Variants in S100A13 observed in about 807,000 individuals in gnomAD.
S100A13 encodes protein S100-A13.
A neutral mutation model predicts 8.2 loss-of-function variants in S100A13; 6 were observed. The observed-to-expected ratio is 0.73, with a 90% confidence interval of 0.40 to 1.44. S100A13 has a LOEUF of 1.44. S100A13 is among the 40% of genes most tolerant of loss of function. The pLI, the probability that S100A13 is intolerant of heterozygous loss-of-function variation, is 0.02. For missense variants in S100A13, 114 were observed against 113.6 expected (o/e 1.00, Z -0.02); for synonymous variants, 39 against 45.9 (o/e 0.85, Z 0.61).
chr1:153,626,724 C>T, intron 1 of S100A13, 191 bp from the exon 2 acceptor site: 1 of 429,292 alleles, frequency 2.3e-6, no homozygotes, highest in Non-Finnish European at 4.2e-6. Flanking sequence ...TTGGTGGGGG[C>T]AGGAGATTCA....
Position 153,618,816 on chromosome 1 carries a change from A to G in S100A13, c.*79T>C. 1 of 1,344,570 alleles carries G rather than the reference A, an allele frequency of 7.4e-7. No individual in the cohort carries two copies. Among genetic ancestry groups the G allele is most frequent in the Non-Finnish European group, 1.0e-6 (1 of 971,278 alleles). The allele number at this position is 1,344,570 out of a possible 1,614,324, so 83.3% of individuals were successfully genotyped here. A position where few individuals can be genotyped will look rare whatever the true frequency, so the allele number is the denominator to read the frequency against. ...AAGAAACATTTGTGTTTCAAGGAGG[A>G]AGCTTTATTTGGGAAGAGTGCGGTT... On this transcript the variant is annotated 3_prime_UTR_variant, in exon 3 of 3. Coordinates refer to ENST00000476133, the MANE Select transcript of S100A13 (RefSeq NM_001024211.2).
upstream of S100A13, chr1:153,634,251 C>T (rs565111095): frequency 6.5e-6 from 1 of 152,920 alleles, no homozygotes. Context: ...ACCCGAGCCC[C>T]TCCACCGTCA....
chr1:153,631,666 TAC>T (rs1219667558), upstream of S100A13: 1 of 1,613,964 alleles, frequency 6.2e-7, no homozygotes, highest in Non-Finnish European at 8.5e-7. Flanking sequence ...CCCTTCCCTA[TAC>T]ACCTCCCTCT....
At chr1:153,631,469 C>G (rs1232088392), upstream of S100A13, 7 of 1,588,108 alleles carry the variant, frequency 4.4e-6, 1 homozygote, top group Admixed American at 1.1e-4. Context: ...ATTATAGGCA[C>G]TGAACATACG....
At chr1:153,632,560 C>T (rs983137626), upstream of S100A13, among the ~76,000 whole-genome samples, 13 of 152,056 alleles carry the variant, frequency 8.5e-5, no homozygotes, top group Admixed American at 2.6e-4. Context: ...CATGAGCCAC[C>T]GCGCTAGGCC....
chr1:153,624,945 G>C (rs2101589733), intron 2 of S100A13, among the ~76,000 whole-genome samples: 1 of 152,242 alleles, frequency 6.6e-6, no homozygotes, highest in South Asian at 2.1e-4. Context: ...CATGGTGGCG[G>C]TTGCCTGTAA....
chr1:153,626,449 C>G lies in S100A13; in HGVS notation c.24G>C (p.Glu8Asp), dbSNP rs1389953420. MAAEPLT[E>D]LEESIETVVT... ...CCACGGTCTCAATGGACTCCTCTAGCTCTGTCAGTGGTTCTGCTGCCATTA... is the reference window on the plus strand; with the variant it reads ...CCACGGTCTCAATGGACTCCTCTAGGTCTGTCAGTGGTTCTGCTGCCATTA... The change falls in exon 2 of 3, where the codon GAG becomes GAC. Residue 8 changes from glutamate (E) to aspartate (D), a missense_variant. Coordinates refer to ENST00000476133, the MANE Select transcript of S100A13 (RefSeq NM_001024211.2). 2.5e-6 allele frequency: 4 copies of G among 1,614,106 alleles called. No homozygotes were observed. Among genetic ancestry groups the G allele is most frequent in the Non-Finnish European group, 3.4e-6 (4 of 1,180,044 alleles).
upstream of S100A13, chr1:153,628,413 G>A: frequency 6.4e-7 from 1 of 1,550,494 alleles, no homozygotes; most frequent in Non-Finnish European, 8.7e-7. Context: ...TTGAAGACAG[G>A]TCTCCACACA....
In S100A13 at chr1:153,622,388, G is replaced by T. The variant is rs151133402; in HGVS notation, c.154-3350C>A. Among the ~76,000 whole-genome samples the T allele has an allele frequency of 5.3e-3, 805 of 152,268 alleles. 4 individuals are homozygous for T. Among genetic ancestry groups the T allele is most frequent in the Non-Finnish European group, 8.7e-3 (595 of 68,006 alleles). On this transcript the variant is annotated intron_variant, in intron 2 of 2. Coordinates refer to ENST00000476133, the MANE Select transcript of S100A13 (RefSeq NM_001024211.2). ...CCTTTCTCAAAAACAAATTAAAAAT[G>T]AACATGCCACTTAACCTAATATTTC... is the stretch of plus-strand genomic sequence containing the variant.
chr1:153,628,169 G>C, upstream of S100A13: 1 of 1,550,474 alleles, frequency 6.4e-7, no homozygotes, highest in Non-Finnish European at 8.7e-7. Context: ...GCCCAGCTTG[G>C]GGTAAGACAT....
At chr1:153,626,720 G>A (rs1667664593) in intron 1 of S100A13, 187 bp from the exon 2 acceptor site, 1 of 441,192 alleles carries the variant, frequency 2.3e-6, no homozygotes, top group South Asian at 4.1e-5. Flanking sequence ...AGTTTTGGTG[G>A]GGGCAGGAGA....
chr1:153,623,452 C>G (rs1489226828), intron 2 of S100A13, among the ~76,000 whole-genome samples: 1 of 151,340 alleles, frequency 6.6e-6, no homozygotes, highest in Non-Finnish European at 1.5e-5. Flanking sequence ...GTGGTGCAAT[C>G]TCAGCTCCCT....
At chr1:153,626,093 C>T (rs951846027) in intron 2 of S100A13, among the ~76,000 whole-genome samples, 2 of 152,120 alleles carry the variant, frequency 1.3e-5, no homozygotes, top group Admixed American at 6.5e-5. Flanking sequence ...ACTTGAACCC[C>T]GGAGATGGAG....
At chr1:153,632,025 C>A, upstream of S100A13, 1 of 632,548 alleles carries the variant, frequency 1.6e-6, no homozygotes, top group South Asian at 2.0e-5. Flanking sequence ...TTAAAGGCTT[C>A]TCTCTCACCA....
chr1:153,632,107 C>T (rs1668049956), upstream of S100A13: 2 of 453,854 alleles, frequency 4.4e-6, no homozygotes, highest in African/African-American at 2.0e-5. Context: ...TCTCAACTCC[C>T]CTTATTTGGG....
At chr1:153,621,557 G>A (rs1372763558) in intron 2 of S100A13, among the ~76,000 whole-genome samples, 2 of 151,634 alleles carry the variant, frequency 1.3e-5, no homozygotes, top group African/African-American at 2.4e-5. Context: ...TGGATAACTC[G>A]AGGTCAGGCG....
At chr1:153,628,206 C>CCA (rs1667789245), upstream of S100A13, 2 of 1,549,130 alleles carry the variant, frequency 1.3e-6, no homozygotes, top group Non-Finnish European at 1.7e-6. Context: ...GACCTCCTTC[C>CCA]CACCTCTTTC....
upstream of S100A13, chr1:153,633,902 A>AGG (rs141930642): frequency 3.3e-5 from 5 of 152,318 alleles, no homozygotes; most frequent in African/African-American, 1.2e-4. Context: ...CCACGCCCCT[A>AGG]GGGGCGGGGC....
intron 2 of S100A13, among the ~76,000 whole-genome samples, chr1:153,619,787 A>G (rs141119378): frequency 4.3e-4 from 66 of 152,326 alleles, no homozygotes; most frequent in African/African-American, 1.3e-3. Context: ...TTGAACCAAC[A>G]TTTGGATGCA....
Sources: gnomAD v4.1 joint callset for allele counts (sites outside exome capture counted in the v4.1 genomes callset) on GRCh38, gnomAD v4.1.1 for gene constraint, MANE v1.5 for transcripts, NCBI Gene and HGNC (gene_info 2026-07-23, HGNC 2026-07-21) for gene names.